ADGRG6: variants seen among roughly 807,000 people sequenced by gnomAD.
ADGRG6 encodes the protein adhesion G protein-coupled receptor G6.
Under a neutral mutation model 142.4 loss-of-function variants are expected in ADGRG6, and 84 were observed. The observed-to-expected ratio is 0.59, with a 90% CI of 0.49 to 0.71. ADGRG6 has a LOEUF of 0.71. Ranked by LOEUF, ADGRG6 falls within the 30% of genes least tolerant of loss-of-function variation. ADGRG6 has a pLI of 0.00. For synonymous variants in ADGRG6, 521 were observed against 520.5 expected, an observed-to-expected ratio of 1.00 and a Z score of -0.01; for missense variants, 1,367 against 1,466.6, an observed-to-expected ratio of 0.93 and a Z score of 1.11.
At chr6:142,372,328 A>G (rs1781298422) in intron 4 of ADGRG6, among the ~76,000 whole-genome samples, 1 of 152,168 alleles carries the variant, frequency 6.6e-6, no homozygotes, top group Non-Finnish European at 1.5e-5. Context: ...AAAGGAGAAG[A>G]AGGAGCCTAG....
intron 2 of ADGRG6, among the ~76,000 whole-genome samples, chr6:142,365,939 T>C (rs1225794486): frequency 6.6e-6 from 1 of 152,248 alleles, no homozygotes; most frequent in African/African-American, 2.4e-5. Flanking sequence ...AGGGATATAA[T>C]AAATTTAGTT....
At chr6:142,430,096 G>C (rs1777138288) in intron 22 of ADGRG6, among the ~76,000 whole-genome samples, 1 of 152,046 alleles carries the variant, frequency 6.6e-6, no homozygotes, top group Non-Finnish European at 1.5e-5. Flanking sequence ...GCCAGAGTAT[G>C]TTATGCTCAT....
chr6:142,423,843 C>A (rs1776794989), intron 22 of ADGRG6, among the ~76,000 whole-genome samples: 1 of 144,366 alleles, frequency 6.9e-6, no homozygotes, highest in Non-Finnish European at 1.5e-5. Context: ...TCTTTGATTT[C>A]ATTGAGCAGT....
chr6:142,439,415 C>T (rs1233084035), intron 24 of ADGRG6, among the ~76,000 whole-genome samples: 4 of 152,058 alleles, frequency 2.6e-5, no homozygotes, highest in Non-Finnish European at 5.9e-5. Context: ...TGGCTTTTTG[C>T]AAATAGGGAG....
chr6:142,312,599 G>A (rs1291879166), intron 2 of ADGRG6, among the ~76,000 whole-genome samples: 2 of 151,988 alleles, frequency 1.3e-5, no homozygotes, highest in African/African-American at 4.8e-5. Context: ...AAATTGTTAG[G>A]AAAAGAGTGT....
chr6:142,438,957 T>C (rs887950745), intron 24 of ADGRG6, among the ~76,000 whole-genome samples: 6 of 152,186 alleles, frequency 3.9e-5, no homozygotes, highest in East Asian at 3.8e-4. Context: ...ACACTGAACA[T>C]GTATGTGAAA....
intron 10 of ADGRG6, among the ~76,000 whole-genome samples, chr6:142,399,057 T>A (rs1775362978): frequency 1.3e-5 from 2 of 152,198 alleles, no homozygotes; most frequent in South Asian, 4.1e-4. Context: ...CAAATATGGA[T>A]AACAAAAAGC....
At chr6:142,401,962 C>T (rs571894669) in intron 11 of ADGRG6, 32 bp from the exon 12 acceptor site, 1 of 1,027,858 alleles carries the variant, frequency 9.7e-7, no homozygotes, top group African/African-American at 1.6e-5. Context: ...CCAGTTATAT[C>T]AAATATTTAA....
intron 2 of ADGRG6, among the ~76,000 whole-genome samples, chr6:142,361,012 G>C (rs1052109941): frequency 1.3e-5 from 2 of 152,190 alleles, no homozygotes; most frequent in African/African-American, 4.8e-5. Context: ...GGCAGCTGCT[G>C]CCTTTGAATT....
Position 142,415,851 on chromosome 6 carries a change from C to G in ADGRG6, c.2725C>G (p.Leu909Val). Residue 909 changes from leucine to valine, a missense_variant, in exon 20 of 25, where the codon CTG becomes GTG. Physicochemically the swap from Leu to Val is conservative, Grantham distance 32. Coordinates refer to ENST00000367609, the MANE Select transcript of ADGRG6 (RefSeq NM_198569.3). ...KILMNLSTAL[L>V]FLNLLFLLDG... ...CTTGATGAACCTGAGCACAGCCCTG[C>G]TGTTCCTGAATCTCCTCTTCCTCCT... 6.2e-7 allele frequency: 1 copy of G among 1,612,020 alleles called. No homozygotes were observed. The highest frequency in any genetic ancestry group is 8.5e-7 in the Non-Finnish European group (1 of 1,178,256).
chr6:142,362,259 C>T (rs1780760963), intron 2 of ADGRG6, among the ~76,000 whole-genome samples: 1 of 152,154 alleles, frequency 6.6e-6, no homozygotes, highest in Non-Finnish European at 1.5e-5. Context: ...GTAAGCGGTA[C>T]CCTTTTGAAC....
chr6:142,387,999 G>A (rs909544317), intron 6 of ADGRG6, among the ~76,000 whole-genome samples: 3 of 152,182 alleles, frequency 2.0e-5, no homozygotes, highest in Non-Finnish European at 4.4e-5. Flanking sequence ...AACACCGTGA[G>A]TGTTGTTAAC....
chr6:142,409,760 A>G (rs560231114), intron 16 of ADGRG6, 114 bp from the exon 17 acceptor site: 3 of 507,756 alleles, frequency 5.9e-6, no homozygotes, highest in South Asian at 3.6e-5. Context: ...TTGAATTGGC[A>G]TGTTAATACT....
chr6:142,371,474 GT>G lies in ADGRG6; in HGVS notation c.1069+690del, dbSNP rs566018922. 3.7e-3 allele frequency among the ~76,000 whole-genome samples: 399 copies of G among 108,194 alleles called. 3 individuals are homozygous for G. The highest frequency in any genetic ancestry group is 5.9e-3 in the Non-Finnish European group (321 of 54,766). The allele number at this position is 108,194 out of a possible 152,430, so 71.0% of individuals were successfully genotyped here. On this transcript the variant is annotated intron_variant, in intron 4 of 24. Coordinates refer to ENST00000367609, the MANE Select transcript of ADGRG6 (RefSeq NM_198569.3). ...GAGCCACCCTGCCTGGCCAGTTACTGTTTTTTTTTGTTTTTTTTTTTTTTTT... is the reference window on the plus strand; with the variant it reads ...GAGCCACCCTGCCTGGCCAGTTACTGTTTTTTTTGTTTTTTTTTTTTTTTT...
At chr6:142,417,744 G>A (rs2115085333) in intron 21 of ADGRG6, among the ~76,000 whole-genome samples, 1 of 152,272 alleles carries the variant, frequency 6.6e-6, no homozygotes, top group African/African-American at 2.4e-5. Context: ...CAATGGGAGT[G>A]TTAGGTAGAA....
At chr6:142,339,362 G>A (rs1779505801) in intron 2 of ADGRG6, among the ~76,000 whole-genome samples, 1 of 152,168 alleles carries the variant, frequency 6.6e-6, no homozygotes, top group Non-Finnish European at 1.5e-5. Flanking sequence ...TTGGCATGAA[G>A]CACTGAAATT....
chr6:142,407,069 T>C (rs539658834), intron 15 of ADGRG6, among the ~76,000 whole-genome samples: 1 of 151,596 alleles, frequency 6.6e-6, no homozygotes, highest in South Asian at 2.1e-4. Flanking sequence ...GCGCAGTGCC[T>C]CGTGCCTGTA....
At chr6:142,415,123 C>A (rs1427354395) in intron 19 of ADGRG6, 27 bp downstream of exon 19, 2 of 1,586,504 alleles carry the variant, frequency 1.3e-6, no homozygotes, top group African/African-American at 1.4e-5. Context: ...TCTGCCAAAC[C>A]CATTGCTAAC....
chr6:142,435,809 A>G (rs1174777793), intron 22 of ADGRG6, among the ~76,000 whole-genome samples: 1 of 152,204 alleles, frequency 6.6e-6, no homozygotes, highest in African/African-American at 2.4e-5. Context: ...AAAGGGAGTG[A>G]CTAAAGGTTA....
Sources: gnomAD v4.1 joint callset for allele counts (sites outside exome capture counted in the v4.1 genomes callset) on GRCh38, gnomAD v4.1.1 for gene constraint, MANE v1.5 for transcripts, NCBI Gene and HGNC (gene_info 2026-07-23, HGNC 2026-07-21) for gene names.